The following SLC25A32 variants were observed in gnomAD, a reference collection of about 807,000 sequenced individuals.
The protein encoded by SLC25A32 is solute carrier family 25 member 32, also known as Glycine auxotroph B, complementation of hamster.
In SLC25A32, 32 loss-of-function variants were observed where a neutral mutation model predicts 39.0. The observed-to-expected ratio is 0.82, with a 90% CI of 0.62 to 1.10. SLC25A32 has a LOEUF of 1.10. Ranked by LOEUF, SLC25A32 falls within the 50% of genes least tolerant of loss-of-function variation. SLC25A32 has a pLI of 0.00. For missense variants in SLC25A32, 367 were observed against 395.3 expected (o/e 0.93, Z 0.61); for synonymous variants, 166 against 152.4 (o/e 1.09, Z -0.66).
At chr8:103,413,841 G>A (rs1386577951) in intron 1 of SLC25A32, among the ~76,000 whole-genome samples, 2 of 152,178 alleles carry the variant, frequency 1.3e-5, no homozygotes, top group African/African-American at 4.8e-5. Flanking sequence ...ATGGCCATCA[G>A]TAATGTAGAA....
At chr8:103,406,652 CAAG>C (rs1013524695) in intron 2 of SLC25A32, among the ~76,000 whole-genome samples, 1 of 152,292 alleles carries the variant, frequency 6.6e-6, no homozygotes, top group African/African-American at 2.4e-5. Flanking sequence ...GCAGGTCAAA[CAAG>C]AAGAAACAAT....
chr8:103,400,076 AAAG>A lies in SLC25A32; in HGVS notation c.*332_*334del, dbSNP rs1021803901. On this transcript the variant is annotated 3_prime_UTR_variant, in exon 7 of 7. Transcript: ENST00000297578. ...GCAATCCAGGCAAGTAAGCTCACAA[AAAG>A]AAGTACATTCATCTAATCCATTTAG... The A allele has an allele frequency of 2.2e-5, 6 of 270,588 alleles. No homozygotes were observed. Among genetic ancestry groups the A allele is most frequent in the African/African-American group, 9.1e-5 (4 of 43,856 alleles). 16.8% of individuals were successfully genotyped at this position (270,588 alleles called of 1,614,324 possible).
chr8:103,406,879 A>G (rs1249006338), intron 2 of SLC25A32, among the ~76,000 whole-genome samples: 1 of 152,192 alleles, frequency 6.6e-6, no homozygotes, highest in Non-Finnish European at 1.5e-5. Context: ...TATTTATAAA[A>G]TTTTCTATTT....
At position 103,400,257 on chromosome 8, in the gene SLC25A32, T is replaced by C. The variant is rs559457875; in HGVS notation, c.*154A>G. 1.8e-4 allele frequency: 151 copies of C among 842,230 alleles called. No homozygotes were observed. In the African/African-American group the frequency reaches 2.2e-3, roughly 12 times the overall value. 52.2% of individuals were successfully genotyped at this position (842,230 alleles called of 1,614,324 possible). On this transcript the variant is annotated 3_prime_UTR_variant, in exon 7 of 7. Coordinates refer to ENST00000297578, the MANE Select transcript of SLC25A32 (RefSeq NM_030780.5). ...GGGAAGGCAAAAAGCAAGAAAAACA[T>C]TGCAGGAGACTTAGCAGTTCTCTGG...
intron 2 of SLC25A32, among the ~76,000 whole-genome samples, chr8:103,406,316 A>C (rs992040704): frequency 6.6e-6 from 1 of 152,166 alleles, no homozygotes; most frequent in Non-Finnish European, 1.5e-5. Context: ...AGATCAAGCA[A>C]AATATATGAC....
In SLC25A32 at chr8:103,398,849, A is replaced by G. The variant is rs1054506014; in HGVS notation, c.*1562T>C. 1.1e-5 allele frequency: 1 copy of G among 91,038 alleles called. No individual in the cohort carries two copies. Among genetic ancestry groups the G allele is most frequent in the South Asian group, 2.8e-4 (1 of 3,594 alleles). 5.6% of individuals were successfully genotyped at this position (91,038 alleles called of 1,614,324 possible). A position where few individuals can be genotyped will look rare whatever the true frequency, so the allele number is the denominator to read the frequency against. ...CTTATAAAGCATTCATCTGCATGTT[A>G]TAAGATATTACAGTAAATACAATTA... On this transcript the variant is annotated 3_prime_UTR_variant, in exon 7 of 7. Transcript: ENST00000297578.
intron 2 of SLC25A32, among the ~76,000 whole-genome samples, chr8:103,407,064 C>G (rs2130446550): frequency 6.6e-6 from 1 of 152,260 alleles, no homozygotes; most frequent in South Asian, 2.1e-4. Context: ...TAATAAATAA[C>G]AAACCGACTG....
intron 3 of SLC25A32, among the ~76,000 whole-genome samples, chr8:103,404,245 T>C (rs1423163696): frequency 1.3e-5 from 2 of 152,216 alleles, no homozygotes; most frequent in Non-Finnish European, 2.9e-5. Context: ...TACCACTTTG[T>C]CATGAGTAAA....
intron 5 of SLC25A32, 137 bp from the exon 6 acceptor site, chr8:103,401,798 T>C (rs894106040): frequency 2.1e-5 from 20 of 967,920 alleles, no homozygotes; most frequent in Non-Finnish European, 2.8e-5. Flanking sequence ...CTTCAGCCTA[T>C]AAATATTTAA....
At chr8:103,400,662 A>G (rs888515690) in intron 6 of SLC25A32, 116 bp from the exon 7 acceptor site, 34 of 1,066,476 alleles carry the variant, frequency 3.2e-5, no homozygotes, top group Admixed American at 6.7e-5. Flanking sequence ...CTCTGATTTA[A>G]GTTCATGTTT....
chr8:103,413,462 C>CT (rs1465122457), intron 1 of SLC25A32, among the ~76,000 whole-genome samples: 1 of 152,208 alleles, frequency 6.6e-6, no homozygotes, highest in Admixed American at 6.5e-5. Context: ...AAACTTGTGA[C>CT]TTGGGCAAGT....
intron 1 of SLC25A32, among the ~76,000 whole-genome samples, chr8:103,408,513 T>C (rs1563719420): frequency 1.3e-5 from 2 of 152,104 alleles, no homozygotes; most frequent in African/African-American, 2.4e-5. Context: ...GAGCCTCAAT[T>C]TATATCGAAT....
chr8:103,402,175 C>T, intron 4 of SLC25A32, 121 bp from the exon 5 acceptor site: 1 of 613,628 alleles, frequency 1.6e-6, no homozygotes, highest in South Asian at 2.8e-5. Flanking sequence ...TAATTTTGCA[C>T]AAATCACATT....
At chr8:103,404,580 A>G (rs1302488774) in intron 3 of SLC25A32, among the ~76,000 whole-genome samples, 196 bp downstream of exon 3, 1 of 151,804 alleles carries the variant, frequency 6.6e-6, no homozygotes, top group East Asian at 1.9e-4. Flanking sequence ...GGGCGACAAG[A>G]GCGAAACTCC....
At chr8:103,402,585 C>T (rs1200134228) in intron 4 of SLC25A32, 2 of 151,658 alleles carry the variant, frequency 1.3e-5, no homozygotes, top group African/African-American at 4.8e-5. Flanking sequence ...CTATGTATGC[C>T]TAAAAATTTC....
intron 1 of SLC25A32, among the ~76,000 whole-genome samples, chr8:103,409,952 A>C (rs1431701786): frequency 6.6e-6 from 1 of 152,178 alleles, no homozygotes; most frequent in African/African-American, 2.4e-5. Flanking sequence ...AACAAGTTTA[A>C]AGGCAGGCAG....
At chr8:103,413,068 C>A (rs1252276153) in intron 1 of SLC25A32, among the ~76,000 whole-genome samples, 1 of 152,140 alleles carries the variant, frequency 6.6e-6, no homozygotes, top group Non-Finnish European at 1.5e-5. Flanking sequence ...GCCTCCAATC[C>A]AAACTCAATC....
In SLC25A32 at chr8:103,415,027, G is replaced by A. The variant is rs1344510727; in HGVS notation, c.-90C>T. On this transcript the variant is annotated 5_prime_UTR_variant, in exon 1 of 7. Coordinates refer to ENST00000297578, the MANE Select transcript of SLC25A32 (RefSeq NM_030780.5). ...GCCACCGTGGCGACGGTCGCCCCTTGTGAGCGCAACCCCACCTCCGGGACC... is the reference window on the plus strand; with the variant it reads ...GCCACCGTGGCGACGGTCGCCCCTTATGAGCGCAACCCCACCTCCGGGACC... 4 of 1,593,348 alleles carry A rather than the reference G, an allele frequency of 2.5e-6. No homozygotes were observed. The highest frequency in any genetic ancestry group is 2.2e-5 in the East Asian group (1 of 44,568).
chr8:103,400,092 C>T lies in SLC25A32; in HGVS notation c.*319G>A, dbSNP rs1335108282. On this transcript the variant is annotated 3_prime_UTR_variant, in exon 7 of 7. Transcript: ENST00000297578. ...AGCTCACAAAAAGAAGTACATTCAT[C>T]TAATCCATTTAGCAAATGTTGCAAA... 1 of 312,820 alleles carries T rather than the reference C, an allele frequency of 3.2e-6. No individual in the cohort carries two copies. The highest frequency in any genetic ancestry group is 3.8e-5 in the South Asian group (1 of 26,236). 19.4% of individuals were successfully genotyped at this position (312,820 alleles called of 1,614,324 possible).
Sources: gnomAD v4.1 joint callset for allele counts (sites outside exome capture counted in the v4.1 genomes callset) on GRCh38, gnomAD v4.1.1 for gene constraint, MANE v1.5 for transcripts, NCBI Gene and HGNC (gene_info 2026-07-23, HGNC 2026-07-21) for gene names.